Variants in HDLBP observed in about 807,000 individuals in gnomAD.
HDLBP encodes vigilin.
HDLBP carries 30 observed loss-of-function variants against 137.3 expected under a neutral mutation model. That is an observed-to-expected ratio of 0.22 (90% CI 0.16 to 0.30). The LOEUF (loss-of-function observed/expected upper bound fraction) is 0.30, where lower values mean the gene tolerates loss of function less well. Among genes scored for constraint, HDLBP ranks in the 10% least tolerant of loss-of-function variants. HDLBP has a pLI of 1.00. For missense variants in HDLBP, 1,119 were observed against 1,667.3 expected (o/e 0.67, Z 5.73); for synonymous variants, 606 against 596.0 (o/e 1.02, Z -0.24).
rs1204500688 is a variant in HDLBP, at chr2:241,235,185, A to G, written c.3080T>C (p.Leu1027Ser). Reference protein sequence around the residue: ...IIAITGLAANLDRAKAGLLER... With the variant: ...IIAITGLAANSDRAKAGLLER... The stretch of plus-strand genomic sequence containing the variant: ...CAGCAGTCCAGCCTTGGCCCGGTCC[A>G]AATTTGCAGCGAGGCCCGTGATGGC... Residue 1027 changes from leucine to serine, a missense_variant, in exon 23 of 28, where the codon TTG becomes TCG. Physicochemically the swap from Leu to Ser is moderately radical, Grantham distance 145. This residue lies in a region of HDLBP where 618 missense variants were observed against 816.7 expected (regional missense o/e 0.76). Transcript: ENST00000310931. The G allele has an allele frequency of 6.2e-7, 1 of 1,614,212 alleles. No homozygotes were observed. The highest frequency in any genetic ancestry group is 8.5e-7 in the Non-Finnish European group (1 of 1,180,044).
In HDLBP at chr2:241,230,965, C is replaced by A; in HGVS notation, c.3289-21G>T. On this transcript the variant is annotated intron_variant, in intron 24 of 27. Transcript: ENST00000310931. The surrounding 1 kb of genome is among the most constrained non-coding windows in gnomAD (Gnocchi z 5.0). ...TGGGGCTAAAAAAGGAGAATGTAGT[C>A]AGAAAAGGGGATGCCTTACTGGGAT... The A allele has an allele frequency of 6.2e-7, 1 of 1,605,818 alleles. No individual in the cohort carries two copies. Among genetic ancestry groups the A allele is most frequent in the Non-Finnish European group, 8.5e-7 (1 of 1,172,872 alleles).
At position 241,230,728 on chromosome 2, in the gene HDLBP, T is replaced by G; in HGVS notation, c.3474+31A>C. On this transcript the variant is annotated intron_variant, in intron 25 of 27. Coordinates refer to ENST00000310931, the MANE Select transcript of HDLBP (RefSeq NM_005336.6). This position sits in a 1 kb window ranked among gnomAD's most constrained non-coding sequence, Gnocchi z 5.0. ...GCCAGGTGCCCCCGGTGAGAGAGGATTCTCACCCACTGTGCTTCCAGCCGG... is the reference window on the plus strand; with the variant it reads ...GCCAGGTGCCCCCGGTGAGAGAGGAGTCTCACCCACTGTGCTTCCAGCCGG... The G allele has an allele frequency of 6.3e-7, 1 of 1,598,876 alleles. No homozygotes were observed.
At chr2:241,231,016 C>T (rs1352196956) in intron 24 of HDLBP, 72 bp from the exon 25 acceptor site, 2 of 1,370,052 alleles carry the variant, frequency 1.5e-6, no homozygotes, top group Middle Eastern at 2.0e-4. Flanking sequence ...GAGCCGGCCC[C>T]CACTGCTGAG....
chr2:241,236,868 G>T, intron 20 of HDLBP, 99 bp from the exon 21 acceptor site: 1 of 1,302,500 alleles, frequency 7.7e-7, no homozygotes, highest in Non-Finnish European at 1.1e-6. Context: ...CTGGGTGCTG[G>T]GTGGTAAAAG....
chr2:241,248,362 T>G lies in HDLBP; in HGVS notation c.1513-14A>C. The G allele has an allele frequency of 1.3e-6, 2 of 1,584,766 alleles. No homozygotes were observed. Among genetic ancestry groups the G allele is most frequent in the South Asian group, 2.2e-5 (2 of 90,454 alleles). On this transcript the variant is annotated splice_polypyrimidine_tract_variant and intron_variant, in intron 12 of 27. Coordinates refer to ENST00000310931, the MANE Select transcript of HDLBP (RefSeq NM_005336.6). ...ACGCTCATTTTCCTAAAAATACAATTAAAGTAGATGTCATTTATCACAAGC... is the reference window on the plus strand; with the variant it reads ...ACGCTCATTTTCCTAAAAATACAATGAAAGTAGATGTCATTTATCACAAGC...
intron 1 of HDLBP, among the ~76,000 whole-genome samples, chr2:241,285,053 G>A (rs1230345497): frequency 3.9e-5 from 6 of 152,166 alleles, no homozygotes; most frequent in East Asian, 1.9e-4. Context: ...GCTAATTTTC[G>A]TACTTTTAGT....
intron 1 of HDLBP, among the ~76,000 whole-genome samples, chr2:241,289,529 A>T (rs1404849652): frequency 6.6e-6 from 1 of 152,230 alleles, no homozygotes; most frequent in Middle Eastern, 3.2e-3. Flanking sequence ...AGATCAGAAC[A>T]TTACCATGTA....
chr2:241,258,296 G>A (rs112970169), intron 5 of HDLBP, among the ~76,000 whole-genome samples: 3,459 of 140,094 alleles, frequency 0.025, 100 homozygotes, highest in African/African-American at 0.072. Flanking sequence ...GCAGTGAGCC[G>A]AGATCGCGCC....
At chr2:241,283,993 G>A (rs1227315905) in intron 1 of HDLBP, among the ~76,000 whole-genome samples, 1 of 151,018 alleles carries the variant, frequency 6.6e-6, no homozygotes, top group Non-Finnish European at 1.5e-5. Flanking sequence ...GATTTACTGA[G>A]TATTTTAAGC....
At chr2:241,307,499 G>T (rs1156781551) in intron 1 of HDLBP, among the ~76,000 whole-genome samples, 1 of 152,160 alleles carries the variant, frequency 6.6e-6, no homozygotes, top group African/African-American at 2.4e-5. Context: ...TAATACTGCA[G>T]TGGGCTTGCT....
At chr2:241,304,600 T>C (rs764379957) in intron 1 of HDLBP, among the ~76,000 whole-genome samples, 21 of 152,218 alleles carry the variant, frequency 1.4e-4, no homozygotes, top group Non-Finnish European at 2.8e-4. Context: ...ATTTACTGAA[T>C]ATGTACTTGG....
intron 24 of HDLBP, among the ~76,000 whole-genome samples, chr2:241,232,971 A>C (rs562771404): frequency 2.0e-5 from 3 of 150,424 alleles, no homozygotes; most frequent in Admixed American, 6.6e-5. Context: ...AGGGAACAAG[A>C]AGCTGGGGAG....
intron 1 of HDLBP, among the ~76,000 whole-genome samples, chr2:241,310,588 GA>G (rs552556285): frequency 5.3e-5 from 8 of 152,112 alleles, no homozygotes; most frequent in Non-Finnish European, 1.0e-4. Flanking sequence ...AAAAATTTTA[GA>G]GGGGGGAAAA....
At chr2:241,231,532 A>C (rs974257226) in intron 24 of HDLBP, among the ~76,000 whole-genome samples, 2 of 152,178 alleles carry the variant, frequency 1.3e-5, no homozygotes, top group Non-Finnish European at 2.9e-5. Flanking sequence ...ACTAACAGGC[A>C]AGAATTCTGG....
Position 241,249,715 on chromosome 2 carries a change from C to T in HDLBP, c.1512+126G>A, listed in dbSNP as rs2071968646. ...TGGCCCCAGGGAGTCCAATCCGGTT[C>T]CAGTGCAACGTGGGATTTGTCGACT... On this transcript the variant is annotated intron_variant, in intron 12 of 27. Transcript: ENST00000310931. The T allele has an allele frequency of 2.2e-5, 20 of 899,582 alleles. No homozygotes were observed. In the South Asian group the frequency reaches 3.3e-4, roughly 15 times the overall value. 55.7% of individuals were successfully genotyped at this position (899,582 alleles called of 1,614,324 possible).
At chr2:241,241,386 T>G (rs1339988827) in intron 17 of HDLBP, among the ~76,000 whole-genome samples, 1 of 151,680 alleles carries the variant, frequency 6.6e-6, no homozygotes, top group Non-Finnish European at 1.5e-5. Flanking sequence ...GCTAACACTG[T>G]GAAACCCCAT....
Position 241,239,855 on chromosome 2 carries a change from C to A in HDLBP, c.2392-35G>T. The stretch of plus-strand genomic sequence containing the variant: ...TAAGAAGAGATGGAAGATAAGCCAC[C>A]CCATCACGGCCCCAGCAGAGTCGGC... On this transcript the variant is annotated intron_variant, in intron 18 of 27. Transcript: ENST00000310931. The surrounding 1 kb of genome is among the most constrained non-coding windows in gnomAD (Gnocchi z 4.6). The A allele has an allele frequency of 6.2e-7, 1 of 1,611,564 alleles. No homozygotes were observed. Among genetic ancestry groups the A allele is most frequent in the Non-Finnish European group, 8.5e-7 (1 of 1,177,914 alleles).
At position 241,238,813 on chromosome 2, in the gene HDLBP, A is replaced by G. The variant is rs777100854; in HGVS notation, c.2611-26T>C. The G allele has an allele frequency of 6.8e-7, 1 of 1,471,102 alleles. No individual in the cohort carries two copies. Among genetic ancestry groups the G allele is most frequent in the Non-Finnish European group, 9.1e-7 (1 of 1,099,026 alleles). The allele number at this position is 1,471,102 out of a possible 1,614,324, so 91.1% of individuals were successfully genotyped here. ...CTGGAGGGAGGTACACAAAGAAAAA[A>G]GAAAAGAGCAAAGATTAAATTCCTT... On this transcript the variant is annotated intron_variant, in intron 19 of 27. Transcript: ENST00000310931. The surrounding 1 kb of genome is among the most constrained non-coding windows in gnomAD (Gnocchi z 4.9).
At chr2:241,299,774 A>T (rs2075326130) in intron 1 of HDLBP, among the ~76,000 whole-genome samples, 1 of 151,570 alleles carries the variant, frequency 6.6e-6, no homozygotes, top group Admixed American at 6.6e-5. Flanking sequence ...AATTAGCCGC[A>T]CATGATGGCG....
Sources: gnomAD v4.1 joint callset for allele counts (sites outside exome capture counted in the v4.1 genomes callset) on GRCh38, gnomAD v4.1.1 for gene constraint, gnomAD v4.1.1 regional missense constraint, Gnocchi (gnomAD v3.1) non-coding constraint, MANE v1.5 for transcripts, NCBI Gene and HGNC (gene_info 2026-07-23, HGNC 2026-07-21) for gene names.